HDAC9: variants seen among roughly 807,000 people sequenced by gnomAD.
HDAC9 encodes MEF-2 interacting transcription repressor (MITR) protein.
HDAC9 carries 41 observed loss-of-function variants against 139.4 expected under a neutral mutation model. The observed-to-expected ratio is 0.29, with a 90% CI of 0.23 to 0.38. HDAC9 has a LOEUF of 0.38. Ranked by LOEUF, HDAC9 falls within the 10% of genes least tolerant of loss-of-function variation. The pLI is 1.00. For synonymous variants in HDAC9, 517 were observed against 476.2 expected, an observed-to-expected ratio of 1.09 and a Z score of -1.12; for missense variants, 1,147 against 1,297.0, an observed-to-expected ratio of 0.88 and a Z score of 1.78.
rs73312681 is a variant in HDAC9, at chr7:18,828,869, T to C, written c.2323-292T>C. Among the ~76,000 whole-genome samples the C allele has an allele frequency of 7.0e-3, 1,063 of 152,336 alleles. 15 individuals are homozygous for C. Among genetic ancestry groups the C allele is most frequent in the African/African-American group, 0.024 (989 of 41,570 alleles). Reference sequence around the variant, plus strand: ...AGTTGTTCTTGAAAATGAATCATGCTAGTTTAACAGCTGACATGCATGTTT... The same window carrying C: ...AGTTGTTCTTGAAAATGAATCATGCCAGTTTAACAGCTGACATGCATGTTT... On this transcript the variant is annotated intron_variant, in intron 17 of 25. Transcript: ENST00000686413.
chr7:18,553,078 C>T (rs1817658767), intron 2 of HDAC9, among the ~76,000 whole-genome samples: 1 of 152,054 alleles, frequency 6.6e-6, no homozygotes, highest in African/African-American at 2.4e-5. Flanking sequence ...GTAAGTTATC[C>T]TTTGAGTACT....
chr7:18,109,006 G>C (rs1783425990), intron 1 of HDAC9, among the ~76,000 whole-genome samples: 1 of 152,178 alleles, frequency 6.6e-6, no homozygotes, highest in Admixed American at 6.5e-5. Context: ...TGCGAAACAT[G>C]TATAAGACAG....
intron 2 of HDAC9, among the ~76,000 whole-genome samples, chr7:18,553,468 G>A (rs916537484): frequency 2.6e-5 from 4 of 152,122 alleles, no homozygotes; most frequent in South Asian, 2.1e-4. Context: ...AAGGCAATAC[G>A]TGCTGCAGAC....
chr7:18,851,952 C>A (rs1797330772), intron 21 of HDAC9, among the ~76,000 whole-genome samples: 1 of 152,192 alleles, frequency 6.6e-6, no homozygotes, highest in African/African-American at 2.4e-5. Context: ...TCCTTGCAGG[C>A]AGGTAGGTGC....
chr7:18,619,720 T>G (rs531328965), intron 6 of HDAC9, among the ~76,000 whole-genome samples: 2 of 152,338 alleles, frequency 1.3e-5, no homozygotes, highest in East Asian at 1.9e-4. Context: ...TCTCATAGAT[T>G]AACTAAAATG....
intron 1 of HDAC9, among the ~76,000 whole-genome samples, chr7:18,153,796 C>T (rs1786967381): frequency 2.0e-5 from 3 of 152,114 alleles, no homozygotes; most frequent in South Asian, 4.1e-4. Context: ...GTGCCATGTA[C>T]CTCACATCTT....
chr7:18,901,071 G>T (rs879781406), intron 22 of HDAC9, among the ~76,000 whole-genome samples: 2 of 151,776 alleles, frequency 1.3e-5, no homozygotes, highest in Non-Finnish European at 2.9e-5. Flanking sequence ...TTCAAAGATT[G>T]CTTAAGTCCT....
rs542788854 is a variant in HDAC9 at position 18,173,865 on chromosome 7, C to T, written c.25+11516C>T. Among the ~76,000 whole-genome samples, 80 of 152,282 alleles carry T rather than the reference C, an allele frequency of 5.3e-4. 2 individuals are homozygous for T. The South Asian group carries it at 0.015, about 29-fold the overall frequency. ...TGAGTGATCTGACCTTTCTTTCTGG[C>T]TGCCCTTAACAGTTTTTCCTTCGTT... is the stretch of plus-strand genomic sequence containing the variant. On this transcript the variant is annotated intron_variant, in intron 2 of 12. Transcript: ENST00000417496.
At chr7:18,940,562 T>A (rs1781957814) in intron 23 of HDAC9, among the ~76,000 whole-genome samples, 1 of 152,186 alleles carries the variant, frequency 6.6e-6, no homozygotes, top group South Asian at 2.1e-4. Context: ...TTGAAGTGAA[T>A]ATTTAAATGA....
At chr7:18,704,903 A>T (rs983911601) in intron 12 of HDAC9, among the ~76,000 whole-genome samples, 2 of 152,226 alleles carry the variant, frequency 1.3e-5, no homozygotes, top group Non-Finnish European at 2.9e-5. Flanking sequence ...AGCATTTTAT[A>T]AGAAATGGAA....
At chr7:18,382,995 T>C (rs1476133720) in intron 1 of HDAC9, among the ~76,000 whole-genome samples, 1 of 152,192 alleles carries the variant, frequency 6.6e-6, no homozygotes, top group Non-Finnish European at 1.5e-5. Context: ...AATTTCTGGG[T>C]AGAAAGATGC....
At chr7:18,713,763 G>A (rs6952102) in intron 12 of HDAC9, among the ~76,000 whole-genome samples, 28,932 of 152,094 alleles carry the variant, frequency 0.19, 4,206 homozygotes, top group African/African-American at 0.41. Flanking sequence ...GGTTAATGAA[G>A]TGGTTAAAGA....
intron 12 of HDAC9, among the ~76,000 whole-genome samples, chr7:18,710,588 T>C (rs982525794): frequency 6.6e-6 from 1 of 152,178 alleles, no homozygotes; most frequent in Non-Finnish European, 1.5e-5. Context: ...GGAGGTTAAA[T>C]ATTCAGAATA....
chr7:18,173,839 G>C (rs1258300401), intron 2 of HDAC9, among the ~76,000 whole-genome samples: 1 of 152,182 alleles, frequency 6.6e-6, no homozygotes, highest in Non-Finnish European at 1.5e-5. Context: ...GCTTCCCTTC[G>C]TGAGTGATCT....
At chr7:18,773,178 TACA>T (rs1413192719) in intron 16 of HDAC9, among the ~76,000 whole-genome samples, 1 of 152,062 alleles carries the variant, frequency 6.6e-6, no homozygotes, top group Non-Finnish European at 1.5e-5. Flanking sequence ...TATGGCTAAG[TACA>T]ACGAGATGCA....
At chr7:18,815,662 T>G (rs1794510368) in intron 17 of HDAC9, among the ~76,000 whole-genome samples, 1 of 152,204 alleles carries the variant, frequency 6.6e-6, no homozygotes, top group African/African-American at 2.4e-5. Flanking sequence ...TGTTTTCCAG[T>G]GCTGTCAACA....
chr7:18,607,824 T>C (rs986192358), intron 6 of HDAC9, among the ~76,000 whole-genome samples: 1 of 152,126 alleles, frequency 6.6e-6, no homozygotes, highest in Non-Finnish European at 1.5e-5. Context: ...ATATTAATGA[T>C]TTGAAGAATA....
At chr7:18,660,177 T>A (rs370918801) in intron 11 of HDAC9, among the ~76,000 whole-genome samples, 1 of 152,214 alleles carries the variant, frequency 6.6e-6, no homozygotes, top group South Asian at 2.1e-4. Flanking sequence ...TAAGTTTTCC[T>A]TGCTGAAGTT....
chr7:18,785,830 T>A (rs6461384), intron 16 of HDAC9, among the ~76,000 whole-genome samples: 6 of 151,760 alleles, frequency 4.0e-5, no homozygotes, highest in African/African-American at 9.7e-5. Flanking sequence ...CTGAATAACC[T>A]CTGAATTTCA....
Sources: allele counts gnomAD v4.1 joint callset (sites outside exome capture counted in the v4.1 genomes callset), GRCh38; gene constraint gnomAD v4.1.1; transcripts MANE v1.5; gene names NCBI Gene and HGNC (gene_info 2026-07-23, HGNC 2026-07-21).